FXR1: variants seen among roughly 807,000 people sequenced by gnomAD.
FXR1 encodes the protein FMR1 autosomal homolog 1.
Under a neutral mutation model 84.0 loss-of-function variants are expected in FXR1, and 15 were observed. That is an observed-to-expected ratio of 0.18 (90% CI 0.12 to 0.27). FXR1 has a LOEUF of 0.27. FXR1 is among the 10% of genes least tolerant of loss of function. FXR1 has a pLI of 1.00. For missense variants in FXR1, 480 were observed against 774.4 expected (o/e 0.62, Z 4.51); for synonymous variants, 245 against 250.7 (o/e 0.98, Z 0.21).
At chr3:180,926,506 A>ATATATATATTTTTTTTTTT (rs72192827) in intron 1 of FXR1, among the ~76,000 whole-genome samples, 1 of 124,394 alleles carries the variant, frequency 8.0e-6, no homozygotes, top group African/African-American at 2.9e-5. Context: ...ATATATATAT[A>ATATATATATTTTTTTTTTT]TTTTTTTTTC....
chr3:180,956,687 GC>G (rs1204974722), intron 9 of FXR1, among the ~76,000 whole-genome samples: 2 of 151,714 alleles, frequency 1.3e-5, no homozygotes, highest in African/African-American at 4.8e-5. Context: ...TGAATTCCCT[GC>G]CCTACTTTTT....
At chr3:180,915,485 A>C (rs2108415562) in intron 1 of FXR1, 1 of 1,470,844 alleles carries the variant, frequency 6.8e-7, no homozygotes, top group East Asian at 2.5e-5. Flanking sequence ...ATTTAATTTT[A>C]ATTAGTTTTT....
intron 1 of FXR1, among the ~76,000 whole-genome samples, chr3:180,919,582 C>T (rs939293505): frequency 4.0e-5 from 6 of 151,332 alleles, no homozygotes; most frequent in African/African-American, 1.5e-4. Context: ...CTGCGCCGGG[C>T]CAATAATTTT....
chr3:180,962,308 C>T (rs1459965517), intron 11 of FXR1, among the ~76,000 whole-genome samples: 3 of 152,114 alleles, frequency 2.0e-5, no homozygotes, highest in East Asian at 1.9e-4. Context: ...TATGAAAAGT[C>T]GCAATTAAAG....
At chr3:180,968,707 A>G (rs1713157461) in intron 14 of FXR1, among the ~76,000 whole-genome samples, 1 of 152,218 alleles carries the variant, frequency 6.6e-6, no homozygotes, top group Non-Finnish European at 1.5e-5. Context: ...GGAACAGGGA[A>G]AAATTGTGGA....
At chr3:180,966,557 A>C (rs541590806) in intron 13 of FXR1, among the ~76,000 whole-genome samples, 3 of 152,336 alleles carry the variant, frequency 2.0e-5, no homozygotes, top group East Asian at 1.9e-4. Context: ...GAGTTTAGCA[A>C]ATGAACTTCA....
intron 9 of FXR1, among the ~76,000 whole-genome samples, chr3:180,954,989 T>A (rs1409442787): frequency 6.9e-6 from 1 of 144,280 alleles, no homozygotes; most frequent in Non-Finnish European, 1.5e-5. Context: ...AAAAATAAAT[T>A]TTTTTTTTTT....
At chr3:180,973,829 A>T (rs1713886639) in intron 15 of FXR1, among the ~76,000 whole-genome samples, 1 of 152,164 alleles carries the variant, frequency 6.6e-6, no homozygotes, top group Admixed American at 6.6e-5. Flanking sequence ...CTTGGATCTT[A>T]TGAAAGTGTT....
chr3:180,926,914 A>G (rs1205130660), intron 1 of FXR1, among the ~76,000 whole-genome samples: 1 of 152,034 alleles, frequency 6.6e-6, no homozygotes, highest in African/African-American at 2.4e-5. Context: ...TATATTCTTA[A>G]TGGGTTTATT....
intron 5 of FXR1, 109 bp from the exon 6 acceptor site, chr3:180,948,612 C>A: frequency 1.0e-6 from 1 of 996,686 alleles, no homozygotes; most frequent in Non-Finnish European, 1.5e-6. Context: ...TCTTAATGAA[C>A]AAAGGTTTTA....
chr3:180,935,869 G>A (rs992229887), intron 3 of FXR1, among the ~76,000 whole-genome samples: 1 of 150,364 alleles, frequency 6.7e-6, no homozygotes, highest in Non-Finnish European at 1.5e-5. Context: ...CACCGTGCCC[G>A]GCCCTACAAA....
At position 180,912,703 on chromosome 3, in the gene FXR1, G is replaced by C; in HGVS notation, c.18G>C (p.Val6=). 1.2e-6 allele frequency: 2 copies of C among 1,613,976 alleles called. No homozygotes were observed. Among genetic ancestry groups the C allele is most frequent in the Non-Finnish European group, 1.7e-6 (2 of 1,179,946 alleles). Residue 6 remains valine, a synonymous_variant, in exon 1 of 17, where the codon GTG becomes GTC. Coordinates refer to ENST00000357559, the MANE Select transcript of FXR1 (RefSeq NM_005087.4). The part of the protein sequence containing the change: MAELT[V]EVRGSNGAFY... ...GTTCCAACATGGCGGAGCTGACGGT[G>C]GAGGTTCGCGGCTCTAACGGGGCTT...
intron 3 of FXR1, among the ~76,000 whole-genome samples, chr3:180,938,435 C>G (rs536250861): frequency 2.0e-5 from 3 of 152,200 alleles, no homozygotes; most frequent in Non-Finnish European, 4.4e-5. Context: ...ATGGGAACAT[C>G]ACTTAAATTA....
intron 11 of FXR1, 105 bp from the exon 12 acceptor site, chr3:180,962,778 T>A (rs1385614402): frequency 1.4e-6 from 1 of 726,920 alleles, no homozygotes; most frequent in Non-Finnish European, 2.4e-6. Flanking sequence ...ACCATCTAAT[T>A]GCCTAAGGTC....
intron 3 of FXR1, among the ~76,000 whole-genome samples, chr3:180,943,417 C>A (rs757330730): frequency 6.6e-6 from 1 of 151,416 alleles, no homozygotes; most frequent in Non-Finnish European, 1.5e-5. Context: ...CGCCCGCCCA[C>A]CACCATGCCC....
chr3:180,923,688 A>C (rs1426742664), intron 1 of FXR1, among the ~76,000 whole-genome samples: 1 of 152,084 alleles, frequency 6.6e-6, no homozygotes, highest in African/African-American at 2.4e-5. Flanking sequence ...CACATCTTTG[A>C]GTGTCAGGGA....
chr3:180,917,737 A>T (rs1355418768), intron 1 of FXR1, among the ~76,000 whole-genome samples: 1 of 152,038 alleles, frequency 6.6e-6, no homozygotes, highest in Non-Finnish European at 1.5e-5. Flanking sequence ...TCACGAGGTC[A>T]GGAGTTCGAG....
chr3:180,941,510 T>C (rs960992886), intron 3 of FXR1, among the ~76,000 whole-genome samples: 9 of 152,188 alleles, frequency 5.9e-5, no homozygotes, highest in Non-Finnish European at 1.2e-4. Context: ...ATAAAAGATA[T>C]ACATGGATTA....
At chr3:180,967,946 A>G in intron 13 of FXR1, 105 bp from the exon 14 acceptor site, 1 of 727,176 alleles carries the variant, frequency 1.4e-6, no homozygotes, top group East Asian at 2.6e-5. Flanking sequence ...TGAAGCAGCC[A>G]AACAGTATTG....
Sources: allele counts gnomAD v4.1 joint callset (sites outside exome capture counted in the v4.1 genomes callset), GRCh38; gene constraint gnomAD v4.1.1; transcripts MANE v1.5; gene names NCBI Gene and HGNC (gene_info 2026-07-23, HGNC 2026-07-21).